Variants in THSD7B observed in about 807,000 individuals in gnomAD.
The protein encoded by THSD7B is thrombospondin type-1 domain-containing protein 7B.
A neutral mutation model predicts 213.6 loss-of-function variants in THSD7B; 138 were observed. That is an observed-to-expected ratio of 0.65 (90% CI 0.56 to 0.74). The LOEUF (loss-of-function observed/expected upper bound fraction) is 0.74. THSD7B is among the 30% of genes least tolerant of loss of function. The pLI is 0.00. For synonymous variants in THSD7B, 742 were observed against 687.0 expected (o/e 1.08, Z -1.25); for missense variants, 1,931 against 1,991.5 (o/e 0.97, Z 0.58).
At chr2:137,357,800 A>ATGGG (rs1685167886) in intron 12 of THSD7B, among the ~76,000 whole-genome samples, 1 of 152,168 alleles carries the variant, frequency 6.6e-6, no homozygotes, top group Non-Finnish European at 1.5e-5. Flanking sequence ...TGATGATGAA[A>ATGGG]TTACAATAGC....
At chr2:137,534,097 T>G (rs1680457220) in intron 15 of THSD7B, among the ~76,000 whole-genome samples, 1 of 151,522 alleles carries the variant, frequency 6.6e-6, no homozygotes, top group Non-Finnish European at 1.5e-5. Context: ...TTTGATCTTC[T>G]GTAGTGTTTG....
intron 14 of THSD7B, among the ~76,000 whole-genome samples, chr2:137,426,533 G>A (rs369288313): frequency 5.3e-5 from 8 of 152,068 alleles, no homozygotes; most frequent in African/African-American, 1.9e-4. Context: ...TGTTGCGCTA[G>A]TAATCTTTGA....
intron 3 of THSD7B, among the ~76,000 whole-genome samples, chr2:137,090,720 G>A (rs537354529): frequency 1.2e-4 from 18 of 152,238 alleles, no homozygotes; most frequent in African/African-American, 3.9e-4. Context: ...GATTTTCTAC[G>A]AAAGGATCAA....
At chr2:137,564,208 A>G (rs1358146227) in intron 16 of THSD7B, among the ~76,000 whole-genome samples, 4 of 152,268 alleles carry the variant, frequency 2.6e-5, no homozygotes, top group Non-Finnish European at 5.9e-5. Flanking sequence ...GTAGCTGCCT[A>G]TTGAGTTAAC....
At chr2:137,614,340 TGA>T (rs1682343241) in intron 17 of THSD7B, among the ~76,000 whole-genome samples, 1 of 152,128 alleles carries the variant, frequency 6.6e-6, no homozygotes, top group African/African-American at 2.4e-5. Flanking sequence ...AGTATATAAG[TGA>T]ATTGTTCAAG....
At chr2:137,353,241 G>C (rs1158636917) in intron 12 of THSD7B, among the ~76,000 whole-genome samples, 2 of 152,068 alleles carry the variant, frequency 1.3e-5, no homozygotes, top group African/African-American at 4.8e-5. Flanking sequence ...TAATGAGTAT[G>C]GTGGAATTGC....
intron 27 of THSD7B, among the ~76,000 whole-genome samples, chr2:137,672,013 C>A (rs1178519751): frequency 6.6e-6 from 1 of 152,132 alleles, no homozygotes; most frequent in Non-Finnish European, 1.5e-5. Context: ...TCTTCCTCCT[C>A]TATCAAACTC....
chr2:137,465,559 A>T (rs1687975941), intron 15 of THSD7B, among the ~76,000 whole-genome samples: 1 of 152,140 alleles, frequency 6.6e-6, no homozygotes, highest in African/African-American at 2.4e-5. Context: ...CAATGAGGTA[A>T]CTGGGACTCA....
intron 7 of THSD7B, among the ~76,000 whole-genome samples, chr2:137,190,462 T>C (rs750839599): frequency 2.6e-5 from 4 of 152,062 alleles, no homozygotes; most frequent in African/African-American, 4.8e-5. Flanking sequence ...GTTGGGAGCA[T>C]GGGATTGCCA....
chr2:137,622,965 C>A (rs890749387), intron 20 of THSD7B, among the ~76,000 whole-genome samples: 1 of 152,188 alleles, frequency 6.6e-6, no homozygotes, highest in Non-Finnish European at 1.5e-5. Context: ...GAAATCCTCC[C>A]TAACTCATTT....
intron 12 of THSD7B, among the ~76,000 whole-genome samples, chr2:137,366,998 A>C (rs1051444079): frequency 3.3e-5 from 5 of 152,168 alleles, no homozygotes; most frequent in Admixed American, 2.6e-4. Context: ...TGATGATATT[A>C]CATCTTCAAG....
chr2:136,863,283 T>C (rs1683282951), intron 1 of THSD7B, among the ~76,000 whole-genome samples: 1 of 152,242 alleles, frequency 6.6e-6, no homozygotes, highest in South Asian at 2.1e-4. Flanking sequence ...AACCCAGCAC[T>C]CCACCTGGTC....
intron 12 of THSD7B, among the ~76,000 whole-genome samples, chr2:137,382,221 C>T (rs1273277749): frequency 6.6e-6 from 1 of 152,162 alleles, no homozygotes. Context: ...TGCCTAGCCC[C>T]ACTGTATGTC....
intron 2 of THSD7B, among the ~76,000 whole-genome samples, chr2:136,882,968 G>C (rs1179588343): frequency 6.6e-6 from 1 of 152,112 alleles, no homozygotes; most frequent in Non-Finnish European, 1.5e-5. Flanking sequence ...TAATTTCAGA[G>C]CCTAATAATT....
chr2:136,955,769 C>T (rs1685113654), intron 2 of THSD7B, among the ~76,000 whole-genome samples: 1 of 152,136 alleles, frequency 6.6e-6, no homozygotes, highest in South Asian at 2.1e-4. Context: ...TCTCCTGCCT[C>T]AGCCTCCTGA....
intron 7 of THSD7B, among the ~76,000 whole-genome samples, chr2:137,197,173 A>G (rs1283701255): frequency 6.6e-6 from 1 of 152,226 alleles, no homozygotes; most frequent in African/African-American, 2.4e-5. Flanking sequence ...GGGATGTGCT[A>G]CTGAGGGCAT....
At chr2:136,870,084 A>AG (rs1487148183) in intron 1 of THSD7B, among the ~76,000 whole-genome samples, 53 of 151,990 alleles carry the variant, frequency 3.5e-4, no homozygotes, top group Admixed American at 1.7e-3. Flanking sequence ...AAAAAAAAAA[A>AG]AAAAAGTGTC....
chr2:137,168,691 C>A (rs1680181098), intron 6 of THSD7B, among the ~76,000 whole-genome samples: 1 of 152,178 alleles, frequency 6.6e-6, no homozygotes, highest in Non-Finnish European at 1.5e-5. Flanking sequence ...TTTCTGTGCT[C>A]AAGTCTGGGC....
intron 15 of THSD7B, among the ~76,000 whole-genome samples, chr2:137,560,815 A>T (rs895376074): frequency 1.3e-5 from 2 of 151,978 alleles, no homozygotes; most frequent in African/African-American, 2.4e-5. Context: ...TGTGTCCCTA[A>T]CAACACCACT....
Sources: allele counts gnomAD v4.1 joint callset (sites outside exome capture counted in the v4.1 genomes callset), GRCh38; gene constraint gnomAD v4.1.1; transcripts MANE v1.5; gene names NCBI Gene and HGNC (gene_info 2026-07-23, HGNC 2026-07-21).